PNMA8B: variants seen among roughly 807,000 people sequenced by gnomAD.
PNMA8B encodes paraneoplastic antigen-like protein 8B.
For synonymous variants in PNMA8B, 386 were observed against 394.9 expected, an observed-to-expected ratio of 0.98 and a Z score of 0.27; for missense variants, 887 against 885.8, an observed-to-expected ratio of 1.00 and a Z score of -0.02.
chr19:46,494,487 ACTC>A lies in PNMA8B; in HGVS notation c.976_978del (p.Glu326del). On this transcript the variant is annotated inframe_deletion, in exon 1 of 1. Transcript: ENST00000599531. Reference sequence around the variant, plus strand: ...ATGGCCACGAACTCAGGATTATCCAACTCCTCTGTTTCTTGGTCCCCACTTTCC... The same window carrying A: ...ATGGCCACGAACTCAGGATTATCCAACTCTGTTTCTTGGTCCCCACTTTCC... The A allele has an allele frequency of 6.2e-7, 1 of 1,613,278 alleles. No individual in the cohort carries two copies. The highest frequency in any genetic ancestry group is 8.5e-7 in the Non-Finnish European group (1 of 1,179,716).
chr19:46,494,893 C>T lies in PNMA8B; in HGVS notation c.573G>A (p.Arg191=), dbSNP rs1465070808. Residue 191 remains arginine (R), a synonymous_variant, in exon 1 of 1, where the codon AGG becomes AGA. Coordinates refer to ENST00000599531, the MANE Select transcript of PNMA8B (RefSeq NM_020709.3). Reference sequence around the variant, plus strand: ...CGTCGGAAGAGTCCTCGGCCTCACTCCTCGCGGGAGCAGACGGCCGTCCTC... The same window carrying T: ...CGTCGGAAGAGTCCTCGGCCTCACTTCTCGCGGGAGCAGACGGCCGTCCTC... ...SRGGRPSAPA[R]SEAEDSSDES... The T allele has an allele frequency of 1.9e-6, 3 of 1,612,276 alleles. No individual in the cohort carries two copies. The highest frequency in any genetic ancestry group is 2.5e-6 in the Non-Finnish European group (3 of 1,179,902).
chr19:46,494,125 AC>A lies in PNMA8B; in HGVS notation c.1340del (p.Gly447ValfsTer17). ...CCAGGAGCGCCACCAGCTCCAGAAG[AC>A]CCCCTTCGTCCTCACGGTGCTCGCT... ...GWSEHREDEG[G>X]LLELVALLAA... is the part of the protein sequence containing the mutation. On this transcript the variant is annotated frameshift_variant, in exon 1 of 1. Transcript: ENST00000599531. LOFTEE classifies it low-confidence loss of function (END_TRUNC). The A allele has an allele frequency of 6.2e-7, 1 of 1,609,610 alleles. No homozygotes were observed. Among genetic ancestry groups the A allele is most frequent in the Non-Finnish European group, 8.5e-7 (1 of 1,179,236 alleles).
Position 46,494,667 on chromosome 19 carries a change from CTTCT to C in PNMA8B, c.795_798del (p.Glu266ArgfsTer14). 1 of 1,614,034 alleles carries C rather than the reference CTTCT, an allele frequency of 6.2e-7. No individual in the cohort carries two copies. The highest frequency in any genetic ancestry group is 8.5e-7 in the Non-Finnish European group (1 of 1,179,898). ...GCCCCAGCTGGCTCCTTCTCTGCCTCTTCTTTCTTCGATTTGTCGGTGACGGTGA... is the reference window on the plus strand; with the variant it reads ...GCCCCAGCTGGCTCCTTCTCTGCCTCTTCTTCGATTTGTCGGTGACGGTGA... On this transcript the variant is annotated frameshift_variant, in exon 1 of 1. Transcript: ENST00000599531. LOFTEE classifies it low-confidence loss of function (END_TRUNC).
In PNMA8B at chr19:46,492,273, T is replaced by A. The variant is rs746590025; in HGVS notation, c.*1285A>T. On this transcript the variant is annotated 3_prime_UTR_variant, in exon 1 of 1. Transcript: ENST00000599531. ...TGCCCCAGGGACAAGAAGGCATGAA[T>A]GAAGGTGGGGTCCCGTGGAGACTGA... The A allele has an allele frequency of 3.1e-6, 1 of 319,488 alleles. No homozygotes were observed. The highest frequency in any genetic ancestry group is 6.6e-6 in the Non-Finnish European group (1 of 152,542). The allele number at this position is 319,488 out of a possible 1,614,324, so 19.8% of individuals were successfully genotyped here.
At position 46,494,500 on chromosome 19, in the gene PNMA8B, T is replaced by C. The variant is rs576709822; in HGVS notation, c.966A>G (p.Gln322=). The C allele has an allele frequency of 4.7e-5, 76 of 1,614,064 alleles. No individual in the cohort carries two copies. Among genetic ancestry groups the C allele is most frequent in the East Asian group, 2.2e-5 (1 of 44,882 alleles). The part of the protein sequence containing the change: ...SESDSQESGD[Q]ETEELDNPEF... ...CAGGATTATCCAACTCCTCTGTTTCTTGGTCCCCACTTTCCTGCGAGTCGC... is the reference window on the plus strand; with the variant it reads ...CAGGATTATCCAACTCCTCTGTTTCCTGGTCCCCACTTTCCTGCGAGTCGC... The change falls in exon 1 of 1, where the codon CAA becomes CAG. Residue 322 remains glutamine, a synonymous_variant. Transcript: ENST00000599531.
chr19:46,494,925 T>G lies in PNMA8B; in HGVS notation c.541A>C (p.Ser181Arg). 6.2e-7 allele frequency: 1 copy of G among 1,611,068 alleles called. No individual in the cohort carries two copies. The highest frequency in any genetic ancestry group is 1.1e-5 in the South Asian group (1 of 91,086). The change falls in exon 1 of 1, where the codon AGC becomes CGC. Residue 181 changes from serine (S) to arginine (R), a missense_variant. Coordinates refer to ENST00000599531, the MANE Select transcript of PNMA8B (RefSeq NM_020709.3). ...GGAGCAGACGGCCGTCCTCCTCGGCTTCTCTTCTTGCCCTTCTGGGTCAAC... is the reference window on the plus strand; with the variant it reads ...GGAGCAGACGGCCGTCCTCCTCGGCGTCTCTTCTTGCCCTTCTGGGTCAAC... ...NRLTQKGKKR[S>R]RGGRPSAPAR...
chr19:46,495,677 C>T lies in PNMA8B; in HGVS notation c.-212G>A. On this transcript the variant is annotated 5_prime_UTR_variant, in exon 1 of 1. Transcript: ENST00000599531. Reference sequence around the variant, plus strand: ...GACGCAGTGACCTTCCCCCGGGACCCCTCTCCAGAGCTGTCTGAGGATCCG... The same window carrying T: ...GACGCAGTGACCTTCCCCCGGGACCTCTCTCCAGAGCTGTCTGAGGATCCG... The T allele has an allele frequency of 1.6e-6, 1 of 609,052 alleles. No individual in the cohort carries two copies. Among genetic ancestry groups the T allele is most frequent in the East Asian group, 2.8e-5 (1 of 35,484 alleles). 37.7% of individuals were successfully genotyped at this position (609,052 alleles called of 1,614,324 possible).
Position 46,493,757 on chromosome 19 carries a change from C to A in PNMA8B, c.1709G>T (p.Gly570Val). ...CCCGGCTTTCTTCTCGGGAGTGACG[C>A]CCCGGCCTCGGCCTCGGCCGCCCGC... Reference protein sequence around the residue: ...TRAGGRGRGRGVTPEKKAGSR... With the variant: ...TRAGGRGRGRVVTPEKKAGSR... The change falls in exon 1 of 1, where the codon GGC becomes GTC. Residue 570 changes from glycine (G) to valine (V), a missense_variant. Coordinates refer to ENST00000599531, the MANE Select transcript of PNMA8B (RefSeq NM_020709.3). This position sits in a 1 kb window ranked among gnomAD's most constrained non-coding sequence, Gnocchi z 5.3. 1.4e-6 allele frequency: 2 copies of A among 1,435,610 alleles called. No homozygotes were observed. The allele number at this position is 1,435,610 out of a possible 1,614,324, so 88.9% of individuals were successfully genotyped here. A position where few individuals can be genotyped will look rare whatever the true frequency, so the allele number is the denominator to read the frequency against.
rs755147928 is a variant in PNMA8B at position 46,493,510 on chromosome 19, G to A, written c.*48C>T. 1.6e-6 allele frequency: 2 copies of A among 1,216,792 alleles called. No individual in the cohort carries two copies. The highest frequency in any genetic ancestry group is 3.2e-5 in the African/African-American group (2 of 63,200). 75.4% of individuals were successfully genotyped at this position (1,216,792 alleles called of 1,614,324 possible). Reference sequence around the variant, plus strand: ...GAGGGCGGGGGCCACAGGCGGGCGGGTGCCCTGCGGGGCCTGCTCGCAGCC... The same window carrying A: ...GAGGGCGGGGGCCACAGGCGGGCGGATGCCCTGCGGGGCCTGCTCGCAGCC... On this transcript the variant is annotated 3_prime_UTR_variant, in exon 1 of 1. Coordinates refer to ENST00000599531, the MANE Select transcript of PNMA8B (RefSeq NM_020709.3). This position sits in a 1 kb window ranked among gnomAD's most constrained non-coding sequence, Gnocchi z 5.3.
Position 46,495,281 on chromosome 19 carries a change from G to T in PNMA8B, c.185C>A (p.Ala62Asp). The T allele has an allele frequency of 6.7e-7, 1 of 1,493,088 alleles. No homozygotes were observed. Among genetic ancestry groups the T allele is most frequent in the Non-Finnish European group, 9.4e-7 (1 of 1,069,380 alleles). The allele number at this position is 1,493,088 out of a possible 1,614,324, so 92.5% of individuals were successfully genotyped here. The change falls in exon 1 of 1, where the codon GCC becomes GAC. Residue 62 changes from alanine to aspartate, a missense_variant. By Grantham distance (126) the Ala-to-Asp change is moderately radical (BLOSUM62 -2). Coordinates refer to ENST00000599531, the MANE Select transcript of PNMA8B (RefSeq NM_020709.3). ...CACAAACTCCACCAGGGCGGCCTGG[G>T]CCTTCTCGTTCATCAAAGCCTTCAT... ...RHMKALMNEK[A>D]QAALVEFVED...
Position 46,493,777 on chromosome 19 carries a change from G to A in PNMA8B, c.1689C>T (p.Gly563=). The A allele has an allele frequency of 1.7e-6, 2 of 1,209,538 alleles. No individual in the cohort carries two copies. The highest frequency in any genetic ancestry group is 2.2e-6 in the Non-Finnish European group (2 of 924,330). The allele number at this position is 1,209,538 out of a possible 1,614,324, so 74.9% of individuals were successfully genotyped here. Residue 563 remains glycine (G), a synonymous_variant, in exon 1 of 1, where the codon GGC becomes GGT. Transcript: ENST00000599531. This position sits in a 1 kb window ranked among gnomAD's most constrained non-coding sequence, Gnocchi z 5.3. Reference sequence around the variant, plus strand: ...TGACGCCCCGGCCTCGGCCTCGGCCGCCCGCGCGGGTTTTGCGGGCCCCGG... The same window carrying A: ...TGACGCCCCGGCCTCGGCCTCGGCCACCCGCGCGGGTTTTGCGGGCCCCGG... ...TASGARKTRA[G]GRGRGRGVTP... is the part of the protein sequence containing the mutation.
At position 46,495,560 on chromosome 19, in the gene PNMA8B, C is replaced by T; in HGVS notation, c.-95G>A. On this transcript the variant is annotated 5_prime_UTR_variant, in exon 1 of 1. The change creates a new upstream start codon in the 5' untranslated region. Coordinates refer to ENST00000599531, the MANE Select transcript of PNMA8B (RefSeq NM_020709.3). ...GTGTCAATGCAACCCTAGAAAGCCA[C>T]TTGCAGGGCTTAGAGTCCCGGTTCC... 3.4e-6 allele frequency: 5 copies of T among 1,452,356 alleles called. No individual in the cohort carries two copies. The highest frequency in any genetic ancestry group is 2.5e-5 in the East Asian group (1 of 40,490). The allele number at this position is 1,452,356 out of a possible 1,614,324, so 90.0% of individuals were successfully genotyped here.
rs1353668396 is a variant in PNMA8B, at chr19:46,493,554, G to C, written c.*4C>G. 2.9e-6 allele frequency: 4 copies of C among 1,358,930 alleles called. No individual in the cohort carries two copies. The highest frequency in any genetic ancestry group is 1.5e-5 in the African/African-American group (1 of 66,248). 84.2% of individuals were successfully genotyped at this position (1,358,930 alleles called of 1,614,324 possible). A position where few individuals can be genotyped will look rare whatever the true frequency, so the allele number is the denominator to read the frequency against. On this transcript the variant is annotated 3_prime_UTR_variant, in exon 1 of 1. Transcript: ENST00000599531. This position sits in a 1 kb window ranked among gnomAD's most constrained non-coding sequence, Gnocchi z 5.3. ...CGCAGCCTGGGCGGCTTCTTGGGGG[G>C]CCACTAGCGGCATTTAGGGGGCAGC...
At position 46,494,249 on chromosome 19, in the gene PNMA8B, C is replaced by T; in HGVS notation, c.1217G>A (p.Gly406Glu). ...EVDAVVLRKA[G>E]DDGDLRECIS... ...GCACTCCCGGAGGTCCCCGTCATCC[C>T]CGGCCTTGCGCAGGACCACGGCGTC... Residue 406 changes from glycine (G) to glutamate (E), a missense_variant, in exon 1 of 1, where the codon GGG becomes GAG. Coordinates refer to ENST00000599531, the MANE Select transcript of PNMA8B (RefSeq NM_020709.3). 6.2e-7 allele frequency: 1 copy of T among 1,609,714 alleles called. No homozygotes were observed. Among genetic ancestry groups the T allele is most frequent in the East Asian group, 2.2e-5 (1 of 44,824 alleles).
rs747244251 is a variant in PNMA8B, at chr19:46,494,190, G to A, written c.1276C>T (p.Gln426Ter). 1.2e-6 allele frequency: 2 copies of A among 1,609,566 alleles called. No individual in the cohort carries two copies. Among genetic ancestry groups the A allele is most frequent in the Admixed American group, 1.7e-5 (1 of 60,026 alleles). Reference protein sequence around the residue: ...STLAQPDLPPQAKKAGRGLFG... With the variant: ...STLAQPDLPP ...AGGCCACGCCCAGCCTTCTTCGCCT[G>A]GGGAGGGAGATCCGGCTGCGCCAAG... The change falls in exon 1 of 1, where the codon CAG becomes TAG. Residue 426 changes from glutamine (Q) to a stop codon, truncating the protein, a stop_gained. Coordinates refer to ENST00000599531, the MANE Select transcript of PNMA8B (RefSeq NM_020709.3). LOFTEE classifies it low-confidence loss of function (END_TRUNC).
At position 46,492,096 on chromosome 19, in the gene PNMA8B, C is replaced by T. The variant is rs1451542169; in HGVS notation, c.*1462G>A. 9 of 394,936 alleles carry T rather than the reference C, an allele frequency of 2.3e-5. No homozygotes were observed. The highest frequency in any genetic ancestry group is 7.1e-5 in the South Asian group (4 of 56,108). 24.5% of individuals were successfully genotyped at this position (394,936 alleles called of 1,614,324 possible). On this transcript the variant is annotated 3_prime_UTR_variant, in exon 1 of 1. Transcript: ENST00000599531. The stretch of plus-strand genomic sequence containing the variant: ...TCAGTCAGCTTCTACATCTGGGTGT[C>T]CCTGACATAGGACTGGGACAGTCTG...
At position 46,494,422 on chromosome 19, in the gene PNMA8B, C is replaced by T. The variant is rs1260194353; in HGVS notation, c.1044G>A (p.Glu348=). ...TAACAGAAGCGATTTTCAACATCTC[C>T]TCCCGGGCCCAGGGGTCCGACGGGT... ...YTDPSDPWAR[E]EMLKIASVIE... is the part of the protein sequence containing the mutation. The change falls in exon 1 of 1, where the codon GAG becomes GAA. Residue 348 remains glutamate, a synonymous_variant. Transcript: ENST00000599531. The T allele has an allele frequency of 1.2e-6, 2 of 1,613,878 alleles. No individual in the cohort carries two copies. Among genetic ancestry groups the T allele is most frequent in the Admixed American group, 1.7e-5 (1 of 60,030 alleles).
chr19:46,494,856 T>C lies in PNMA8B; in HGVS notation c.610A>G (p.Ile204Val). 1 of 1,613,324 alleles carries C rather than the reference T, an allele frequency of 6.2e-7. No homozygotes were observed. Among genetic ancestry groups the C allele is most frequent in the South Asian group, 1.1e-5 (1 of 91,088 alleles). The change falls in exon 1 of 1, where the codon ATC becomes GTC. Residue 204 changes from isoleucine to valine, a missense_variant. Coordinates refer to ENST00000599531, the MANE Select transcript of PNMA8B (RefSeq NM_020709.3). ...AEDSSDESLG[I>V]VIEEIDQGDL... ...CCCTGGTCGATCTCCTCGATCACGA[T>C]GCCCAGGCTCTCGTCGGAAGAGTCC...
Position 46,494,759 on chromosome 19 carries a change from C to G in PNMA8B, c.707G>C (p.Arg236Thr), listed in dbSNP as rs760855001. 26 of 1,613,788 alleles carry G rather than the reference C, an allele frequency of 1.6e-5. No individual in the cohort carries two copies. Among genetic ancestry groups the G allele is most frequent in the Non-Finnish European group, 1.9e-5 (23 of 1,179,882 alleles). The change falls in exon 1 of 1, where the codon AGG (arginine) becomes ACG (threonine). Residue 236 changes from arginine to threonine, a missense_variant. Physicochemically the swap from Arg to Thr is moderately conservative, Grantham distance 71 (BLOSUM62 -1). Coordinates refer to ENST00000599531, the MANE Select transcript of PNMA8B (RefSeq NM_020709.3). ...CTCGGAGTTGCAGGGCGCCCACTGCCTAACCAGCTCCCTGGCAGCGGCCTG... is the reference window on the plus strand; with the variant it reads ...CTCGGAGTTGCAGGGCGCCCACTGCGTAACCAGCTCCCTGGCAGCGGCCTG... ...TLQAAARELV[R>T]QWAPCNSEGE...
Sources: gnomAD v4.1 joint callset for allele counts on GRCh38, gnomAD v4.1.1 for gene constraint, Gnocchi (gnomAD v3.1) non-coding constraint, MANE v1.5 for transcripts, NCBI Gene and HGNC (gene_info 2026-07-23, HGNC 2026-07-21) for gene names.